The following FNIP1 variants were observed in gnomAD, a reference collection of about 807,000 sequenced individuals.
The protein encoded by FNIP1 is folliculin interacting protein 1.
A neutral mutation model predicts 124.5 loss-of-function variants in FNIP1; 40 were observed. The ratio of observed to expected loss-of-function variants is 0.32; its 90% CI spans 0.25 to 0.42. The LOEUF is 0.42. Among genes scored for constraint, FNIP1 ranks in the 10% least tolerant of loss-of-function variants. The probability of loss-of-function intolerance (pLI) is 1.00; values close to 1 mark genes in which losing one functional copy is unlikely to be tolerated. For missense variants in FNIP1, 1,176 were observed against 1,403.7 expected, an observed-to-expected ratio of 0.84 and a Z score of 2.59; for synonymous variants, 472 against 470.6, an observed-to-expected ratio of 1.00 and a Z score of -0.04.
chr5:131,765,255 C>A (rs950807121), intron 1 of FNIP1, among the ~76,000 whole-genome samples: 16 of 152,092 alleles, frequency 1.1e-4, no homozygotes, highest in African/African-American at 3.9e-4. Flanking sequence ...GAAAACTTTT[C>A]TTTCAGTTAA....
chr5:131,659,601 G>A (rs1236736044), intron 15 of FNIP1, among the ~76,000 whole-genome samples: 4 of 152,318 alleles, frequency 2.6e-5, no homozygotes, highest in East Asian at 1.9e-4. Context: ...AGGATGGCAC[G>A]GGGGAGGGCG....
At chr5:131,673,388 T>C (rs1262700411) in intron 13 of FNIP1, among the ~76,000 whole-genome samples, 3 of 152,078 alleles carry the variant, frequency 2.0e-5, no homozygotes, top group African/African-American at 7.2e-5. Context: ...TGAGTGACTA[T>C]TCAAGGGAGG....
chr5:131,739,103 A>AGG (rs751523323), intron 2 of FNIP1, among the ~76,000 whole-genome samples: 8 of 152,196 alleles, frequency 5.3e-5, no homozygotes, highest in Non-Finnish European at 1.2e-4. Context: ...GGCGTGAGCC[A>AGG]CTGCACCCAG....
chr5:131,774,320 G>A (rs1048829074), intron 1 of FNIP1, among the ~76,000 whole-genome samples: 9 of 152,142 alleles, frequency 5.9e-5, no homozygotes, highest in South Asian at 2.1e-4. Context: ...GAGCCACTGC[G>A]TCTGGCCTCC....
intron 1 of FNIP1, among the ~76,000 whole-genome samples, chr5:131,764,931 T>C (rs1771368272): frequency 6.6e-6 from 1 of 152,078 alleles, no homozygotes; most frequent in African/African-American, 2.4e-5. Flanking sequence ...TTCTTTAAGA[T>C]GCATCATACG....
intron 11 of FNIP1, among the ~76,000 whole-genome samples, chr5:131,690,301 C>T (rs1269423888): frequency 6.6e-6 from 1 of 151,904 alleles, no homozygotes; most frequent in Admixed American, 6.6e-5. Flanking sequence ...TTAACACTAA[C>T]CAAAAGAAAG....
At chr5:131,665,789 C>A (rs1314320301) in intron 15 of FNIP1, among the ~76,000 whole-genome samples, 1 of 151,654 alleles carries the variant, frequency 6.6e-6, no homozygotes, top group Non-Finnish European at 1.5e-5. Flanking sequence ...CGGGGTTTCA[C>A]TATGTTGGCC....
At chr5:131,706,379 A>G in intron 9 of FNIP1, 32 bp downstream of exon 9, 4 of 1,570,460 alleles carry the variant, frequency 2.5e-6, no homozygotes, top group Non-Finnish European at 3.5e-6. Context: ...GGAACTACTC[A>G]ATCTTGTTCT....
chr5:131,666,656 T>C (rs1767612133), intron 15 of FNIP1, among the ~76,000 whole-genome samples: 1 of 152,132 alleles, frequency 6.6e-6, no homozygotes, highest in South Asian at 2.1e-4. Context: ...CAATAATAAG[T>C]ACCTCAAAGG....
At chr5:131,759,226 G>A (rs1233197689) in intron 1 of FNIP1, among the ~76,000 whole-genome samples, 1 of 152,026 alleles carries the variant, frequency 6.6e-6, no homozygotes, top group Non-Finnish European at 1.5e-5. Context: ...AAAAGCAACT[G>A]CAACAAAAAC....
chr5:131,750,115 G>A (rs1282415316), intron 1 of FNIP1, among the ~76,000 whole-genome samples: 1 of 152,136 alleles, frequency 6.6e-6, no homozygotes, highest in Non-Finnish European at 1.5e-5. Context: ...TCATGTGCTT[G>A]AATTTGGATC....
At chr5:131,662,903 T>C (rs1475334044) in intron 15 of FNIP1, among the ~76,000 whole-genome samples, 3 of 151,982 alleles carry the variant, frequency 2.0e-5, no homozygotes, top group Non-Finnish European at 4.4e-5. Flanking sequence ...TTGTGCCTGA[T>C]GGCTACTTTT....
chr5:131,763,931 A>C (rs1771330433), intron 1 of FNIP1, among the ~76,000 whole-genome samples: 1 of 152,104 alleles, frequency 6.6e-6, no homozygotes, highest in Non-Finnish European at 1.5e-5. Context: ...TGTTGAAAGT[A>C]ATCTCCAGTA....
intron 2 of FNIP1, among the ~76,000 whole-genome samples, chr5:131,733,868 C>G (rs1770191014): frequency 6.6e-6 from 1 of 152,160 alleles, no homozygotes; most frequent in Non-Finnish European, 1.5e-5. Context: ...AGGATTCCCT[C>G]TTTTTCTATT....
chr5:131,677,036 GAC>G (rs1250663166), intron 13 of FNIP1, among the ~76,000 whole-genome samples: 1 of 152,210 alleles, frequency 6.6e-6, no homozygotes, highest in African/African-American at 2.4e-5. Flanking sequence ...ACGTTTACGA[GAC>G]ACAGTCTCAA....
intron 11 of FNIP1, among the ~76,000 whole-genome samples, chr5:131,692,352 T>A (rs1345229193): frequency 1.3e-5 from 2 of 149,154 alleles, no homozygotes; most frequent in Non-Finnish European, 3.0e-5. Flanking sequence ...TGAGAAAATA[T>A]ACACAGGGTC....
At chr5:131,751,973 G>T in intron 1 of FNIP1, among the ~76,000 whole-genome samples, 1 of 152,272 alleles carries the variant, frequency 6.6e-6, no homozygotes, top group South Asian at 2.1e-4. Context: ...TAGAAGAGTA[G>T]ATTTTATGGA....
chr5:131,706,319 C>T, intron 9 of FNIP1, 92 bp downstream of exon 9: 1 of 1,318,596 alleles, frequency 7.6e-7, no homozygotes. Flanking sequence ...ACTTAAAATA[C>T]ACAGAATACA....
At chr5:131,662,929 G>C (rs1476081995) in intron 15 of FNIP1, among the ~76,000 whole-genome samples, 1 of 151,958 alleles carries the variant, frequency 6.6e-6, no homozygotes, top group Non-Finnish European at 1.5e-5. Context: ...TTTTAGTGGA[G>C]ACGGGGTTTT....
Sources: gnomAD v4.1 joint callset for allele counts (sites outside exome capture counted in the v4.1 genomes callset) on GRCh38, gnomAD v4.1.1 for gene constraint, MANE v1.5 for transcripts, NCBI Gene and HGNC (gene_info 2026-07-23, HGNC 2026-07-21) for gene names.